Variants in FILIP1L observed in about 807,000 individuals in gnomAD.
FILIP1L encodes the protein filamin A-interacting protein 1-like.
A neutral mutation model predicts 96.6 loss-of-function variants in FILIP1L; 55 were observed. That is an observed-to-expected ratio of 0.57 (90% CI 0.46 to 0.71). FILIP1L has a LOEUF of 0.71. Among genes scored for constraint, FILIP1L ranks in the 30% least tolerant of loss-of-function variants. The probability of loss-of-function intolerance (pLI) is 0.00; values close to 1 mark genes in which losing one functional copy is unlikely to be tolerated. For missense variants in FILIP1L, 1,304 were observed against 1,321.2 expected, an observed-to-expected ratio of 0.99 and a Z score of 0.20; for synonymous variants, 467 against 473.9, an observed-to-expected ratio of 0.99 and a Z score of 0.19.
chr3:100,052,411 T>TG (rs1256312518), intron 1 of FILIP1L, among the ~76,000 whole-genome samples: 2 of 152,158 alleles, frequency 1.3e-5, no homozygotes, highest in East Asian at 3.8e-4. Flanking sequence ...GTAGTGGTGG[T>TG]GATGGTAGTG....
chr3:100,065,606 A>G (rs1014493933), intron 1 of FILIP1L, among the ~76,000 whole-genome samples: 1 of 152,174 alleles, frequency 6.6e-6, no homozygotes, highest in South Asian at 2.1e-4. Context: ...TAATGAAAAA[A>G]GTATTCACTT....
chr3:99,935,311 A>G (rs1380998535), intron 1 of FILIP1L, among the ~76,000 whole-genome samples: 3 of 151,454 alleles, frequency 2.0e-5, no homozygotes, highest in Admixed American at 1.3e-4. Context: ...CCAAATAATG[A>G]TACTTTACTC....
intron 1 of FILIP1L, among the ~76,000 whole-genome samples, chr3:99,937,518 G>A (rs1037833647): frequency 2.0e-5 from 3 of 152,230 alleles, no homozygotes; most frequent in Non-Finnish European, 2.9e-5. Flanking sequence ...TTAAATCACA[G>A]CTCCAACATG....
chr3:99,983,298 C>A (rs1044099364), intron 1 of FILIP1L, among the ~76,000 whole-genome samples: 1 of 149,476 alleles, frequency 6.7e-6, no homozygotes, highest in East Asian at 1.9e-4. Flanking sequence ...CTTTGGGAGG[C>A]CAAGGCAGGC....
At chr3:100,013,026 C>T (rs1710206655) in intron 1 of FILIP1L, among the ~76,000 whole-genome samples, 1 of 151,464 alleles carries the variant, frequency 6.6e-6, no homozygotes, top group African/African-American at 2.4e-5. Flanking sequence ...TTCACCACAC[C>T]CAGCCAATTT....
At chr3:99,951,513 G>A (rs1244737866) in intron 1 of FILIP1L, among the ~76,000 whole-genome samples, 3 of 152,096 alleles carry the variant, frequency 2.0e-5, no homozygotes, top group African/African-American at 4.8e-5. Flanking sequence ...GGTAAAAATC[G>A]CTTGGACTTG....
chr3:99,995,359 C>T (rs1576628507), intron 1 of FILIP1L, among the ~76,000 whole-genome samples: 1 of 152,158 alleles, frequency 6.6e-6, no homozygotes, highest in African/African-American at 2.4e-5. Flanking sequence ...AGGTGGGTTC[C>T]CATGGTCTTA....
At chr3:99,892,958 G>A (rs969034531) in intron 4 of FILIP1L, among the ~76,000 whole-genome samples, 1 of 152,114 alleles carries the variant, frequency 6.6e-6, no homozygotes, top group Non-Finnish European at 1.5e-5. Flanking sequence ...GCCCCTGTTG[G>A]TGCTGATCCC....
intron 1 of FILIP1L, among the ~76,000 whole-genome samples, chr3:99,947,010 A>T (rs1708028925): frequency 6.6e-6 from 1 of 151,876 alleles, no homozygotes; most frequent in Non-Finnish European, 1.5e-5. Context: ...GGTGGCAGGC[A>T]CCTGTAATCC....
At chr3:100,096,190 A>G (rs1310813838) in intron 1 of FILIP1L, among the ~76,000 whole-genome samples, 1 of 152,214 alleles carries the variant, frequency 6.6e-6, no homozygotes, top group Non-Finnish European at 1.5e-5. Flanking sequence ...ACCACTGTGG[A>G]CAACAGTTTG....
chr3:100,099,568 A>G (rs553101119), intron 1 of FILIP1L, among the ~76,000 whole-genome samples: 15 of 152,304 alleles, frequency 9.8e-5, no homozygotes, highest in Non-Finnish European at 1.9e-4. Context: ...AACTTTTCTG[A>G]GCCTCATTTC....
intron 4 of FILIP1L, chr3:99,876,336 G>T: frequency 2.1e-6 from 1 of 474,506 alleles, no homozygotes; most frequent in Non-Finnish European, 2.8e-6. Context: ...GGATGTTCCG[G>T]CCGTGTGAAC....
intron 3 of FILIP1L, among the ~76,000 whole-genome samples, chr3:99,926,740 TATTAA>T (rs1447076120): frequency 6.6e-6 from 1 of 152,234 alleles, no homozygotes; most frequent in Non-Finnish European, 1.5e-5. Context: ...AAGATATGTA[TATTAA>T]ATTTTATACA....
intron 1 of FILIP1L, among the ~76,000 whole-genome samples, chr3:100,020,760 C>CTTTTTTTTTTTTTTTTT (rs34665880): frequency 1.4e-5 from 1 of 70,994 alleles, no homozygotes; most frequent in African/African-American, 5.9e-5. Flanking sequence ...GAATAATTAG[C>CTTTTTTTTTTTTTTTTT]TTTTTTTTTT....
At chr3:100,108,381 G>T (rs1259812653) in intron 1 of FILIP1L, among the ~76,000 whole-genome samples, 1 of 152,114 alleles carries the variant, frequency 6.6e-6, no homozygotes, top group Non-Finnish European at 1.5e-5. Context: ...GTCACTAACT[G>T]TGCTTATTAC....
chr3:99,870,143 G>T (rs765932507), intron 4 of FILIP1L, among the ~76,000 whole-genome samples: 3 of 152,148 alleles, frequency 2.0e-5, no homozygotes, highest in Non-Finnish European at 4.4e-5. Flanking sequence ...TCTTTATTGA[G>T]TACTGAGAAA....
intron 1 of FILIP1L, among the ~76,000 whole-genome samples, chr3:100,107,877 T>TAAA (rs11322494): frequency 1.5e-5 from 2 of 130,060 alleles, no homozygotes; most frequent in African/African-American, 2.9e-5. Flanking sequence ...GCAAGAGAAT[T>TAAA]AAAAAAAAAA....
At position 99,829,854 on chromosome 3, in the gene FILIP1L, T is replaced by C. The variant is rs910075658; in HGVS notation, c.*560A>G. Reference sequence around the variant, plus strand: ...GCACAAAGGATATATTCGGCTGTTATTCACTTTTGTTATGCTTTTCCTCCT... The same window carrying C: ...GCACAAAGGATATATTCGGCTGTTACTCACTTTTGTTATGCTTTTCCTCCT... On this transcript the variant is annotated 3_prime_UTR_variant, in exon 6 of 6. Coordinates refer to ENST00000477258, the MANE Select transcript of FILIP1L (RefSeq NM_001387850.1). 6.6e-6 allele frequency among the ~76,000 whole-genome samples: 1 copy of C among 152,254 alleles called. No individual in the cohort carries two copies. The highest frequency in any genetic ancestry group is 2.4e-5 in the African/African-American group (1 of 41,466).
At chr3:100,086,416 A>AG (rs2066008824) in intron 1 of FILIP1L, among the ~76,000 whole-genome samples, 2 of 151,922 alleles carry the variant, frequency 1.3e-5, no homozygotes, top group Non-Finnish European at 2.9e-5. Context: ...AATACCATAA[A>AG]GGGGGAAAAA....
Sources: allele counts gnomAD v4.1 joint callset (sites outside exome capture counted in the v4.1 genomes callset), GRCh38; gene constraint gnomAD v4.1.1; transcripts MANE v1.5; gene names NCBI Gene and HGNC (gene_info 2026-07-23, HGNC 2026-07-21).